The following ROBO2 variants were observed in gnomAD, a reference collection of about 807,000 sequenced individuals.
The protein encoded by ROBO2 is roundabout guidance receptor 2, also known as roundabout homolog 2.
A neutral mutation model predicts 160.8 loss-of-function variants in ROBO2; 53 were observed. The observed-to-expected ratio is 0.33, with a 90% confidence interval of 0.26 to 0.41. ROBO2 has a LOEUF of 0.41. ROBO2 is among the 10% of genes least tolerant of loss of function. The probability of loss-of-function intolerance (pLI) is 1.00; values close to 1 mark genes in which losing one functional copy is unlikely to be tolerated. For synonymous variants in ROBO2, 664 were observed against 611.7 expected (o/e 1.09, Z -1.26); for missense variants, 1,577 against 1,722.4 (o/e 0.92, Z 1.49).
At chr3:77,482,368 A>T (rs972788820) in intron 4 of ROBO2, among the ~76,000 whole-genome samples, 1 of 152,130 alleles carries the variant, frequency 6.6e-6, no homozygotes, top group African/African-American at 2.4e-5. Flanking sequence ...CGCCATCCCA[A>T]GGTGTAATGG....
intron 2 of ROBO2, among the ~76,000 whole-genome samples, chr3:76,938,069 C>A (rs1413499570): frequency 2.0e-5 from 3 of 152,192 alleles, no homozygotes; most frequent in Non-Finnish European, 4.4e-5. Context: ...CACCTGGCAA[C>A]TAGTCAGTAA....
intron 2 of ROBO2, among the ~76,000 whole-genome samples, chr3:76,986,803 T>C (rs1376538623): frequency 6.6e-6 from 1 of 152,160 alleles, no homozygotes; most frequent in Non-Finnish European, 1.5e-5. Context: ...TTATATTACA[T>C]GCGTATACAT....
chr3:77,608,839 A>T (rs982717778), intron 21 of ROBO2, among the ~76,000 whole-genome samples: 2 of 151,908 alleles, frequency 1.3e-5, no homozygotes, highest in Non-Finnish European at 2.9e-5. Flanking sequence ...AAATAGTTAG[A>T]TATTAAAATA....
chr3:77,187,283 T>C (rs138497585), intron 2 of ROBO2, among the ~76,000 whole-genome samples: 1 of 152,112 alleles, frequency 6.6e-6, no homozygotes, highest in African/African-American at 2.4e-5. Context: ...GTGCAAACTA[T>C]TAATAACACA....
intron 2 of ROBO2, among the ~76,000 whole-genome samples, chr3:76,109,886 G>A (rs2070140943): frequency 6.6e-6 from 1 of 151,634 alleles, no homozygotes; most frequent in Admixed American, 6.6e-5. Flanking sequence ...TGTGCCTTTT[G>A]TTTAGTTCCC....
intron 5 of ROBO2, among the ~76,000 whole-genome samples, chr3:77,505,218 G>GT (rs1184262546): frequency 1.3e-5 from 2 of 152,188 alleles, no homozygotes; most frequent in African/African-American, 4.8e-5. Flanking sequence ...AACAGAGAAA[G>GT]TTTGGAAGTA....
chr3:77,025,429 A>G (rs905024591), intron 2 of ROBO2, among the ~76,000 whole-genome samples: 37 of 152,202 alleles, frequency 2.4e-4, no homozygotes, highest in Non-Finnish European at 4.6e-4. Context: ...AACAAATCCA[A>G]ATATAAATTT....
rs1204417409 is a variant in ROBO2, at chr3:76,576,791, A to AAAAG, written c.110-521219_110-521216dup. ...GAAACTCCGTCTCACAAAAAAAAAA[A>AAAAG]AAAGAAAAGTAAAAAAGAAAATGAG... is the stretch of plus-strand genomic sequence containing the variant. On this transcript the variant is annotated intron_variant, in intron 2 of 26. Transcript: ENST00000487694. Among the ~76,000 whole-genome samples the AAAAG allele has an allele frequency of 1.9e-4, 29 of 149,136 alleles. No individual in the cohort carries two copies. In the South Asian group the frequency reaches 2.1e-3, roughly 11 times the overall value.
In ROBO2 at chr3:76,394,930, C is replaced by T. The variant is rs561076042; in HGVS notation, c.109+457328C>T. Among the ~76,000 whole-genome samples, 841 of 151,986 alleles carry T rather than the reference C, an allele frequency of 5.5e-3. 6 individuals carry two copies. Among genetic ancestry groups the T allele is most frequent in the African/African-American group, 0.019 (795 of 41,468 alleles). On this transcript the variant is annotated intron_variant, in intron 2 of 26. Coordinates refer to the ROBO2 transcript ENST00000487694. ...TAGACAGATCAACGAGACAGAAAGT[C>T]AACAAGGATATCCAGGAACTGAACT...
At position 76,443,024 on chromosome 3, in the gene ROBO2, C is replaced by T. The variant is rs547188529; in HGVS notation, c.109+505422C>T. On this transcript the variant is annotated intron_variant, in intron 2 of 26. Transcript: ENST00000487694. Reference sequence around the variant, plus strand: ...ACAGTTTTGCAGGCTTTACAGGAAGCACGGCACCAACATCTACTTCTGGTG... The same window carrying T: ...ACAGTTTTGCAGGCTTTACAGGAAGTACGGCACCAACATCTACTTCTGGTG... Among the ~76,000 whole-genome samples the T allele has an allele frequency of 3.3e-5, 5 of 151,814 alleles. No individual in the cohort carries two copies. The South Asian group carries it at 1.0e-3, about 32-fold the overall frequency.
chr3:76,540,806 AT>A (rs1394475518), intron 2 of ROBO2, among the ~76,000 whole-genome samples: 1 of 151,890 alleles, frequency 6.6e-6, no homozygotes, highest in East Asian at 1.9e-4. Flanking sequence ...ATTTTTATTT[AT>A]TTATTTTTTT....
chr3:77,644,979 C>T (rs1299817128), intron 25 of ROBO2, 75 bp downstream of exon 27: 2 of 1,418,526 alleles, frequency 1.4e-6, no homozygotes, highest in Non-Finnish European at 2.0e-6. Flanking sequence ...CCACATTAAA[C>T]AAATTTCAGA....
At chr3:76,271,598 T>C (rs1186718808) in intron 2 of ROBO2, among the ~76,000 whole-genome samples, 2 of 151,490 alleles carry the variant, frequency 1.3e-5, no homozygotes, top group Non-Finnish European at 2.9e-5. Flanking sequence ...TTAACTGATA[T>C]GGCAGAATCT....
chr3:76,367,010 T>C (rs1404466360), intron 2 of ROBO2, among the ~76,000 whole-genome samples: 1 of 152,024 alleles, frequency 6.6e-6, no homozygotes, highest in Non-Finnish European at 1.5e-5. Context: ...CAATATAGAA[T>C]GTAAGCAGAA....
intron 1 of ROBO2, among the ~76,000 whole-genome samples, chr3:75,921,638 T>C (rs1293418595): frequency 6.6e-6 from 1 of 152,158 alleles, no homozygotes; most frequent in Non-Finnish European, 1.5e-5. Context: ...AGGGTGTGTG[T>C]GTTTCTATGC....
intron 2 of ROBO2, among the ~76,000 whole-genome samples, chr3:76,335,388 G>T (rs2073814324): frequency 6.6e-6 from 1 of 151,574 alleles, no homozygotes; most frequent in African/African-American, 2.4e-5. Flanking sequence ...TACCATGTTG[G>T]CCAGGCTGGT....
At chr3:77,243,802 A>T (rs933682205) in intron 2 of ROBO2, among the ~76,000 whole-genome samples, 1 of 152,232 alleles carries the variant, frequency 6.6e-6, no homozygotes, top group Non-Finnish European at 1.5e-5. Flanking sequence ...ACATTAAATA[A>T]TGCATTAAAA....
At chr3:76,725,120 A>G (rs2093529760) in intron 2 of ROBO2, among the ~76,000 whole-genome samples, 1 of 152,222 alleles carries the variant, frequency 6.6e-6, no homozygotes, top group Admixed American at 6.5e-5. Flanking sequence ...GTTTTAAACC[A>G]CCAAGTTTGT....
At chr3:76,515,335 T>C (rs2081297259) in intron 2 of ROBO2, among the ~76,000 whole-genome samples, 1 of 152,212 alleles carries the variant, frequency 6.6e-6, no homozygotes, top group Non-Finnish European at 1.5e-5. Context: ...TTTGTTTCTA[T>C]ATTTTGAAGT....
Sources: gnomAD v4.1 joint callset for allele counts (sites outside exome capture counted in the v4.1 genomes callset) on GRCh38, gnomAD v4.1.1 for gene constraint, MANE v1.5 for transcripts, NCBI Gene and HGNC (gene_info 2026-07-23, HGNC 2026-07-21) for gene names.